Variants in RANBP2 observed in about 807,000 individuals in gnomAD.
RANBP2 encodes the protein RAN binding protein 2.
RANBP2 carries 57 observed loss-of-function variants against 303.6 expected under a neutral mutation model. That is an observed-to-expected ratio of 0.19 (90% confidence interval 0.15 to 0.23). The LOEUF is 0.23. RANBP2 is among the 10% of genes least tolerant of loss of function. The pLI is 1.00. For missense variants in RANBP2, 3,138 were observed against 3,780.8 expected (o/e 0.83, Z 4.46); for synonymous variants, 1,167 against 1,301.5 (o/e 0.90, Z 2.23).
the RANBP2 span, among the ~76,000 whole-genome samples, chr2:109,183,316 A>G: frequency 6.6e-6 from 1 of 152,234 alleles, no homozygotes. Flanking sequence ...TGTTCTTAAT[A>G]AAGTAACTGA....
the RANBP2 span, among the ~76,000 whole-genome samples, chr2:109,214,448 TAAAAA>T: frequency 8.5e-5 from 11 of 128,878 alleles, no homozygotes; most frequent in Non-Finnish European, 1.8e-4. Context: ...CTTAAAGTAT[TAAAAA>T]AAAAGAGTCA....
chr2:109,241,278 C>A, the RANBP2 span, among the ~76,000 whole-genome samples: 1 of 135,526 alleles, frequency 7.4e-6, no homozygotes, highest in Non-Finnish European at 1.6e-5. Flanking sequence ...ACAGAAAAGA[C>A]AAATTCATTT....
At chr2:109,614,102 G>A in the RANBP2 span, 30 of 1,210,336 alleles carry the variant, frequency 2.5e-5, no homozygotes, top group African/African-American at 4.7e-4. Context: ...CTGAGCGTCA[G>A]CGTTGGGGCG....
chr2:109,488,756 C>A, the RANBP2 span, among the ~76,000 whole-genome samples: 1 of 152,234 alleles, frequency 6.6e-6, no homozygotes, highest in Non-Finnish European at 1.5e-5. Context: ...AGGGCTGCAA[C>A]GAAATCCATG....
intron 20 of RANBP2, among the ~76,000 whole-genome samples, chr2:108,769,985 CT>C (rs1677384820): frequency 6.6e-6 from 1 of 151,980 alleles, no homozygotes; most frequent in Non-Finnish European, 1.5e-5. Context: ...AGTTTTATTA[CT>C]AGCTAAGGTA....
At chr2:109,000,826 G>C in the RANBP2 span, among the ~76,000 whole-genome samples, 1 of 152,000 alleles carries the variant, frequency 6.6e-6, no homozygotes. Context: ...TTGAGAAAAC[G>C]GAGGCACACA....
At chr2:109,543,875 T>C in the RANBP2 span, 2 of 367,758 alleles carry the variant, frequency 5.4e-6, no homozygotes, top group East Asian at 5.3e-5. Flanking sequence ...TATCTGCATA[T>C]ACACAACGGG....
At chr2:109,090,310 TCACACACACACA>T in the RANBP2 span, among the ~76,000 whole-genome samples, 410 of 109,730 alleles carry the variant, frequency 3.7e-3, 2 homozygotes, top group East Asian at 0.029. Context: ...ACACCTCGCC[TCACACACACACA>T]CACACACACA....
the RANBP2 span, among the ~76,000 whole-genome samples, chr2:109,539,507 G>T: frequency 6.6e-6 from 1 of 151,474 alleles, no homozygotes; most frequent in Non-Finnish European, 1.5e-5. Flanking sequence ...GCAGTGGCAC[G>T]ATCTTGGCTC....
At chr2:109,552,562 G>C in the RANBP2 span, 1 of 152,388 alleles carries the variant, frequency 6.6e-6, no homozygotes. Context: ...TCATAGTTTG[G>C]GAAGCATCAC....
chr2:109,576,930 G>A, the RANBP2 span, among the ~76,000 whole-genome samples: 2 of 152,174 alleles, frequency 1.3e-5, no homozygotes, highest in Non-Finnish European at 2.9e-5. Context: ...CAGAAGAAAT[G>A]TCTGAGATTT....
At chr2:109,772,784 CAGG>C in the RANBP2 span, among the ~76,000 whole-genome samples, 1 of 141,314 alleles carries the variant, frequency 7.1e-6, no homozygotes, top group Admixed American at 7.4e-5. Flanking sequence ...GTCTGAAGGT[CAGG>C]AGGTCAGTGA....
At chr2:108,960,374 G>A in the RANBP2 span, among the ~76,000 whole-genome samples, 4 of 152,200 alleles carry the variant, frequency 2.6e-5, no homozygotes, top group African/African-American at 2.4e-5. Flanking sequence ...TTCTCAAGAC[G>A]CTCTTGCTGA....
the RANBP2 span, among the ~76,000 whole-genome samples, chr2:109,482,219 A>G: frequency 2.1e-4 from 32 of 152,294 alleles, no homozygotes; most frequent in South Asian, 3.7e-3. Context: ...GAATGAATGT[A>G]TGGGCAAGAC....
the RANBP2 span, among the ~76,000 whole-genome samples, chr2:109,674,497 C>T: frequency 2.7e-5 from 4 of 149,980 alleles, no homozygotes; most frequent in Non-Finnish European, 5.9e-5. Flanking sequence ...GGCGGGATTG[C>T]TTGAGCCCAG....
chr2:109,487,065 T>G, the RANBP2 span, among the ~76,000 whole-genome samples: 2 of 152,192 alleles, frequency 1.3e-5, no homozygotes, highest in African/African-American at 2.4e-5. Context: ...GGGGAACGTT[T>G]GCAGAAGAAG....
At chr2:109,131,034 G>C in the RANBP2 span, among the ~76,000 whole-genome samples, 1 of 152,256 alleles carries the variant, frequency 6.6e-6, no homozygotes, top group East Asian at 1.9e-4. Context: ...TTATCTATTG[G>C]AATAATCATT....
the RANBP2 span, among the ~76,000 whole-genome samples, chr2:109,204,643 A>G: frequency 2.0e-5 from 3 of 152,214 alleles, no homozygotes; most frequent in Admixed American, 2.0e-4. Flanking sequence ...GACAACCCAC[A>G]CATTGCCAGG....
At chr2:109,379,884 G>T in the RANBP2 span, among the ~76,000 whole-genome samples, 7 of 152,202 alleles carry the variant, frequency 4.6e-5, no homozygotes, top group East Asian at 1.3e-3. Context: ...GTGTGATGTT[G>T]TGTCTATGTC....
Sources: gnomAD v4.1 joint callset for allele counts (sites outside exome capture counted in the v4.1 genomes callset) on GRCh38, gnomAD v4.1.1 for gene constraint, MANE v1.5 for transcripts, NCBI Gene and HGNC (gene_info 2026-07-23, HGNC 2026-07-21) for gene names.